ERC2: variants seen among roughly 807,000 people sequenced by gnomAD.
ERC2 encodes the protein ERC protein 2.
A neutral mutation model predicts 114.8 loss-of-function variants in ERC2; 42 were observed. The ratio of observed to expected loss-of-function variants is 0.37; its 90% CI spans 0.29 to 0.47. The LOEUF is 0.47. ERC2 is among the 20% of genes least tolerant of loss of function. The probability of loss-of-function intolerance (pLI) is 0.99; values close to 1 mark genes in which losing one functional copy is unlikely to be tolerated. For synonymous variants in ERC2, 454 were observed against 425.5 expected, an observed-to-expected ratio of 1.07 and a Z score of -0.82; for missense variants, 939 against 1,150.7, an observed-to-expected ratio of 0.82 and a Z score of 2.66.
At chr3:55,851,813 G>A (rs1237699590) in intron 14 of ERC2, among the ~76,000 whole-genome samples, 2 of 152,062 alleles carry the variant, frequency 1.3e-5, no homozygotes, top group Non-Finnish European at 2.9e-5. Flanking sequence ...TTGGCCATGG[G>A]AGCTCAGCCT....
intron 2 of ERC2, among the ~76,000 whole-genome samples, chr3:56,396,425 C>A (rs1336360118): frequency 1.3e-5 from 2 of 152,106 alleles, no homozygotes; most frequent in Admixed American, 1.3e-4. Context: ...TCAGCCTGGG[C>A]AACAAAGCAA....
chr3:56,376,502 T>G (rs997925156), intron 2 of ERC2, among the ~76,000 whole-genome samples: 1 of 151,140 alleles, frequency 6.6e-6, no homozygotes, highest in Non-Finnish European at 1.5e-5. Flanking sequence ...CAGTGGCTCA[T>G]GCCTGTAATC....
intron 15 of ERC2, among the ~76,000 whole-genome samples, chr3:55,716,320 C>T (rs1447229035): frequency 2.0e-5 from 3 of 152,190 alleles, no homozygotes; most frequent in African/African-American, 7.2e-5. Flanking sequence ...AACTCTTGTG[C>T]TTCCCTTGCT....
intron 15 of ERC2, among the ~76,000 whole-genome samples, chr3:55,700,758 C>A (rs1313228251): frequency 1.3e-5 from 2 of 152,186 alleles, no homozygotes; most frequent in African/African-American, 4.8e-5. Flanking sequence ...GTGCCTCCTG[C>A]ATACCATGGC....
At position 56,022,464 on chromosome 3, in the gene ERC2, G is replaced by A. The variant is rs1576595228; in HGVS notation, c.1642-3433C>T. Among the ~76,000 whole-genome samples, 16 of 152,160 alleles carry A rather than the reference G, an allele frequency of 1.1e-4. No individual in the cohort carries two copies. In the South Asian group the frequency reaches 3.3e-3, roughly 32 times the overall value. Reference sequence around the variant, plus strand: ...TTTTGCTTTTTAAAAGGACTCTGCAGGAGAAAATAATCCTTTCATACTCCA... The same window carrying A: ...TTTTGCTTTTTAAAAGGACTCTGCAAGAGAAAATAATCCTTTCATACTCCA... On this transcript the variant is annotated intron_variant, in intron 7 of 17. Transcript: ENST00000288221.
At chr3:55,529,674 G>A (rs920663060) in intron 17 of ERC2, among the ~76,000 whole-genome samples, 1 of 152,150 alleles carries the variant, frequency 6.6e-6, no homozygotes, top group African/African-American at 2.4e-5. Context: ...TGCAATTTAC[G>A]TGAATAATCA....
At chr3:55,771,991 A>G (rs1373502862) in intron 14 of ERC2, among the ~76,000 whole-genome samples, 1 of 152,186 alleles carries the variant, frequency 6.6e-6, no homozygotes, top group Non-Finnish European at 1.5e-5. Context: ...CTCATAAAGG[A>G]TCTGGGCTCC....
At position 55,789,531 on chromosome 3, in the gene ERC2, A is replaced by G. The variant is rs979722043; in HGVS notation, c.2565-54613T>C. Among the ~76,000 whole-genome samples, 4 of 152,372 alleles carry G rather than the reference A, an allele frequency of 2.6e-5. No homozygotes were observed. In the East Asian group the frequency reaches 7.7e-4, roughly 29 times the overall value. On this transcript the variant is annotated intron_variant, in intron 14 of 17. Transcript: ENST00000288221. The stretch of plus-strand genomic sequence containing the variant: ...TGATGCATAGAGAGATTACCGATGC[A>G]GACAAGAAACCCAATACATAATCTA...
At chr3:55,670,149 A>T (rs983649335) in intron 17 of ERC2, among the ~76,000 whole-genome samples, 7 of 152,250 alleles carry the variant, frequency 4.6e-5, no homozygotes, top group Non-Finnish European at 1.0e-4. Flanking sequence ...AGATGAGGAC[A>T]TTGGAAATTC....
At chr3:55,596,362 G>T (rs2058134687) in intron 17 of ERC2, among the ~76,000 whole-genome samples, 1 of 152,128 alleles carries the variant, frequency 6.6e-6, no homozygotes, top group African/African-American at 2.4e-5. Flanking sequence ...CAGGAGGATT[G>T]CTTGAGCCCA....
intron 12 of ERC2, among the ~76,000 whole-genome samples, chr3:55,968,943 G>C (rs1447478555): frequency 6.6e-6 from 1 of 151,914 alleles, no homozygotes; most frequent in East Asian, 1.9e-4. Flanking sequence ...CTACATAAAG[G>C]GGTCTATTCT....
At chr3:55,612,577 A>G (rs2058952354) in intron 17 of ERC2, 1 of 152,222 alleles carries the variant, frequency 6.6e-6, no homozygotes, top group African/African-American at 2.4e-5. Context: ...TCATGCTTAT[A>G]TACTTTATTC....
intron 13 of ERC2, among the ~76,000 whole-genome samples, chr3:55,892,867 C>T (rs1473501479): frequency 2.0e-5 from 3 of 152,068 alleles, no homozygotes; most frequent in Non-Finnish European, 2.9e-5. Flanking sequence ...TGATGCTTCT[C>T]TTAGTGTTAT....
chr3:55,536,362 A>G (rs1028172034), intron 17 of ERC2, among the ~76,000 whole-genome samples: 4 of 151,894 alleles, frequency 2.6e-5, no homozygotes, highest in Admixed American at 1.3e-4. Flanking sequence ...TACCTCCCCA[A>G]CCCTGAGACT....
chr3:56,225,155 C>T (rs73080550), intron 3 of ERC2, among the ~76,000 whole-genome samples: 15,679 of 152,150 alleles, frequency 0.1, 890 homozygotes, highest in Middle Eastern at 0.14. Context: ...TTCTCCACTC[C>T]CACCATGTGC....
At chr3:56,063,281 A>G (rs1258413501) in intron 7 of ERC2, among the ~76,000 whole-genome samples, 2 of 152,230 alleles carry the variant, frequency 1.3e-5, no homozygotes, top group Admixed American at 6.5e-5. Flanking sequence ...CCGTGTCATG[A>G]TTGTGAAGGG....
intron 7 of ERC2, among the ~76,000 whole-genome samples, chr3:56,024,528 T>C (rs184393631): frequency 1.1e-3 from 168 of 152,294 alleles, no homozygotes; most frequent in Admixed American, 1.8e-3. Context: ...AGAGGGTCCT[T>C]CAAAATCCCA....
chr3:55,550,749 G>A (rs2055111623), intron 17 of ERC2, among the ~76,000 whole-genome samples: 1 of 152,158 alleles, frequency 6.6e-6, no homozygotes, highest in Non-Finnish European at 1.5e-5. Context: ...GGGCGCAGTG[G>A]CTCACGCCTA....
At chr3:56,289,812 A>G (rs978131431) in intron 3 of ERC2, among the ~76,000 whole-genome samples, 1 of 152,214 alleles carries the variant, frequency 6.6e-6, no homozygotes, top group Non-Finnish European at 1.5e-5. Context: ...CACCCCAAGA[A>G]GCAGTAGCAT....
Sources: allele counts gnomAD v4.1 joint callset (sites outside exome capture counted in the v4.1 genomes callset), GRCh38; gene constraint gnomAD v4.1.1; transcripts MANE v1.5; gene names NCBI Gene and HGNC (gene_info 2026-07-23, HGNC 2026-07-21).